ZNHIT6: variants seen among roughly 807,000 people sequenced by gnomAD.
ZNHIT6 encodes the protein box C/D snoRNA protein 1.
Under a neutral mutation model 57.2 loss-of-function variants are expected in ZNHIT6, and 45 were observed. The ratio of observed to expected loss-of-function variants is 0.79; its 90% CI spans 0.62 to 1.01. The LOEUF (loss-of-function observed/expected upper bound fraction) is 1.01, where lower values mean the gene tolerates loss of function less well. Among genes scored for constraint, ZNHIT6 ranks in the 50% least tolerant of loss-of-function variants. The pLI is 0.00. For missense variants in ZNHIT6, 528 were observed against 567.3 expected, an observed-to-expected ratio of 0.93 and a Z score of 0.70; for synonymous variants, 188 against 190.0, an observed-to-expected ratio of 0.99 and a Z score of 0.09.
In ZNHIT6 at chr1:85,650,112, T is replaced by C. The variant is rs1660865381; in HGVS notation, c.*3946A>G. 6.6e-6 allele frequency: 1 copy of C among 152,186 alleles called. No individual in the cohort carries two copies. Among genetic ancestry groups the C allele is most frequent in the Non-Finnish European group, 1.5e-5 (1 of 68,036 alleles). The allele number at this position is 152,186 out of a possible 1,614,324, so 9.4% of individuals were successfully genotyped here. On this transcript the variant is annotated 3_prime_UTR_variant, in exon 10 of 10. Coordinates refer to ENST00000370574, the MANE Select transcript of ZNHIT6 (RefSeq NM_017953.4). ...TGGCTTTCTTCTAAAAATTTCCCCCTCCTTTGGGTGAATTCCTCTCTTGAT... is the reference window on the plus strand; with the variant it reads ...TGGCTTTCTTCTAAAAATTTCCCCCCCCTTTGGGTGAATTCCTCTCTTGAT...
chr1:85,667,961 A>AATATATATAT (rs1553155849), intron 8 of ZNHIT6, among the ~76,000 whole-genome samples: 19 of 18,116 alleles, frequency 1.0e-3, no homozygotes, highest in African/African-American at 2.6e-3. Flanking sequence ...AAAAAAAAAA[A>AATATATATAT]ATATATATAT....
chr1:85,704,722 G>A (rs1305384363), intron 4 of ZNHIT6, among the ~76,000 whole-genome samples: 1 of 152,048 alleles, frequency 6.6e-6, no homozygotes, highest in Admixed American at 6.6e-5. Flanking sequence ...TCAGATATGT[G>A]TAATGTAATT....
intron 5 of ZNHIT6, among the ~76,000 whole-genome samples, chr1:85,685,580 T>C: frequency 6.6e-6 from 1 of 152,076 alleles, no homozygotes; most frequent in African/African-American, 2.4e-5. Context: ...ATTTGTGGGC[T>C]TTTTTTTCCT....
chr1:85,677,797 AC>A (rs1661747849), intron 7 of ZNHIT6, among the ~76,000 whole-genome samples: 1 of 152,192 alleles, frequency 6.6e-6, no homozygotes, highest in South Asian at 2.1e-4. Context: ...AATTTTAAAT[AC>A]CAGGTTATTC....
chr1:85,683,525 A>G (rs1287399818), intron 5 of ZNHIT6, among the ~76,000 whole-genome samples: 1 of 139,572 alleles, frequency 7.2e-6, no homozygotes, highest in Non-Finnish European at 1.5e-5. Flanking sequence ...TCCGTCACAG[A>G]AAAAAAAAAA....
At chr1:85,660,659 C>G (rs1661198905) in intron 8 of ZNHIT6, among the ~76,000 whole-genome samples, 1 of 151,988 alleles carries the variant, frequency 6.6e-6, no homozygotes, top group Non-Finnish European at 1.5e-5. Context: ...TTATTTGGAT[C>G]CTGAAACTGT....
At chr1:85,681,078 G>A (rs1393372350) in intron 5 of ZNHIT6, among the ~76,000 whole-genome samples, 174 bp from the exon 6 acceptor site, 1 of 152,202 alleles carries the variant, frequency 6.6e-6, no homozygotes, top group South Asian at 2.1e-4. Flanking sequence ...AGAAAAAAAA[G>A]GGAAGCAGTT....
At chr1:85,694,456 T>G (rs1216838050) in intron 5 of ZNHIT6, among the ~76,000 whole-genome samples, 1 of 105,112 alleles carries the variant, frequency 9.5e-6, no homozygotes, top group African/African-American at 3.7e-5. Context: ...ATGTTTCAAA[T>G]TTTTCGTTTT....
intron 5 of ZNHIT6, among the ~76,000 whole-genome samples, chr1:85,688,547 G>A (rs561926330): frequency 1.5e-4 from 23 of 152,116 alleles, no homozygotes; most frequent in African/African-American, 5.3e-4. Flanking sequence ...CTTCGCAATC[G>A]TTCCCTACCT....
chr1:85,708,100 T>A lies in ZNHIT6; in HGVS notation c.185A>T (p.Glu62Val), dbSNP rs1031747290. ...TTCCTCTGGCCTTTGTCCACTTCCT[T>A]CCTCTCCATCCCCTATCTCCTTTAT... ...TGIKEIGDGE[E>V]GSGQRPEEIP... The change falls in exon 1 of 10, where the codon GAA (glutamate) becomes GTA (valine). Residue 62 changes from glutamate to valine, a missense_variant. Coordinates refer to ENST00000370574, the MANE Select transcript of ZNHIT6 (RefSeq NM_017953.4). 1 of 1,613,844 alleles carries A rather than the reference T, an allele frequency of 6.2e-7. No individual in the cohort carries two copies. Among genetic ancestry groups the A allele is most frequent in the East Asian group, 2.2e-5 (1 of 44,860 alleles).
rs767024399 is a variant in ZNHIT6 at position 85,706,147 on chromosome 1, T to G, written c.846A>C (p.Glu282Asp). The G allele has an allele frequency of 6.2e-7, 1 of 1,613,766 alleles. No individual in the cohort carries two copies. The highest frequency in any genetic ancestry group is 2.2e-5 in the East Asian group (1 of 44,876). ...MNLLSDYRFL[E>D]DVARTADHIS... ...TATGGTCCGCTGTTCTTGCCACATC[T>G]TCCAAAAATCGATAATCTAAAAATT... Residue 282 changes from glutamate (E) to aspartate (D), a missense_variant, in exon 4 of 10, where the codon GAA (glutamate) becomes GAC (aspartate). Coordinates refer to ENST00000370574, the MANE Select transcript of ZNHIT6 (RefSeq NM_017953.4).
chr1:85,696,044 C>T (rs1396235709), intron 5 of ZNHIT6, among the ~76,000 whole-genome samples: 1 of 151,968 alleles, frequency 6.6e-6, no homozygotes, highest in Non-Finnish European at 1.5e-5. Context: ...TCAAAACAAA[C>T]AAAAAACAGC....
At chr1:85,687,454 A>C (rs1662096356) in intron 5 of ZNHIT6, among the ~76,000 whole-genome samples, 1 of 152,100 alleles carries the variant, frequency 6.6e-6, no homozygotes, top group Non-Finnish European at 1.5e-5. Context: ...TAGACACATT[A>C]ATACCAGATT....
In ZNHIT6 at chr1:85,653,258, A is replaced by C. The variant is rs1660962851; in HGVS notation, c.*800T>G. 6.6e-6 allele frequency: 1 copy of C among 152,212 alleles called. No homozygotes were observed. The highest frequency in any genetic ancestry group is 2.1e-4 in the South Asian group (1 of 4,834). 9.4% of individuals were successfully genotyped at this position (152,212 alleles called of 1,614,324 possible). On this transcript the variant is annotated 3_prime_UTR_variant, in exon 10 of 10. Transcript: ENST00000370574. ...CCAGGCTTCTAGTATAAGACATTGTACTAGGAGTTTCTCAAGTAGAAAACT... is the reference window on the plus strand; with the variant it reads ...CCAGGCTTCTAGTATAAGACATTGTCCTAGGAGTTTCTCAAGTAGAAAACT...
chr1:85,679,760 T>C (rs2100681055), intron 6 of ZNHIT6, among the ~76,000 whole-genome samples: 1 of 152,156 alleles, frequency 6.6e-6, no homozygotes, highest in East Asian at 1.9e-4. Context: ...AATTTTTGTA[T>C]TTTTAGTAGA....
chr1:85,658,056 A>G, intron 8 of ZNHIT6, 85 bp from the exon 9 acceptor site: 4 of 977,530 alleles, frequency 4.1e-6, no homozygotes, highest in Admixed American at 3.1e-5. Flanking sequence ...AGTATTTTAC[A>G]TTAAAAATTT....
chr1:85,678,514 G>C (rs1661770930), intron 7 of ZNHIT6, among the ~76,000 whole-genome samples, 187 bp downstream of exon 7: 1 of 152,146 alleles, frequency 6.6e-6, no homozygotes, highest in South Asian at 2.1e-4. Context: ...CTGCTTTGAA[G>C]AGTGTCTGGA....
intron 6 of ZNHIT6, 137 bp downstream of exon 6, chr1:85,680,699 T>C: frequency 1.8e-6 from 1 of 557,592 alleles, no homozygotes; most frequent in East Asian, 3.0e-5. Flanking sequence ...TCATTTTTAG[T>C]GATGTTTAGC....
Position 85,706,313 on chromosome 1 carries a change from A to G in ZNHIT6, c.765T>C (p.Asn255=), listed in dbSNP as rs758763301. The change falls in exon 3 of 10, where the codon AAT becomes AAC. Residue 255 remains asparagine (N), a synonymous_variant. Coordinates refer to ENST00000370574, the MANE Select transcript of ZNHIT6 (RefSeq NM_017953.4). ...TGTATGCAGTTTTATCTCGAACTCC[A>G]TTACATGTCAGTTCTGCTTTGTGTT... ...VKKHKAELTC[N]GVRDKTAYIS... The G allele has an allele frequency of 6.8e-6, 11 of 1,613,636 alleles. No individual in the cohort carries two copies. In the Admixed American group the frequency reaches 1.8e-4, roughly 27 times the overall value.
Sources: allele counts gnomAD v4.1 joint callset (sites outside exome capture counted in the v4.1 genomes callset), GRCh38; gene constraint gnomAD v4.1.1; transcripts MANE v1.5; gene names NCBI Gene and HGNC (gene_info 2026-07-23, HGNC 2026-07-21).